VSNL1: variants seen among roughly 807,000 people sequenced by gnomAD.
The protein encoded by VSNL1 is visinin like 1.
VSNL1 carries 6 observed loss-of-function variants against 20.4 expected under a neutral mutation model. The observed-to-expected ratio is 0.29, with a 90% CI of 0.16 to 0.58. VSNL1 has a LOEUF of 0.58. Ranked by LOEUF, VSNL1 falls within the 20% of genes least tolerant of loss-of-function variation. The pLI, the probability that VSNL1 is intolerant of heterozygous loss-of-function variation, is 0.90. For missense variants in VSNL1, 100 were observed against 234.5 expected, an observed-to-expected ratio of 0.43 and a Z score of 3.75; for synonymous variants, 93 against 86.4, an observed-to-expected ratio of 1.08 and a Z score of -0.42.
rs374383244 is a variant in VSNL1, at chr2:17,549,897, G to A, written c.-6+8979G>A. Among the ~76,000 whole-genome samples the A allele has an allele frequency of 2.8e-3, 428 of 152,292 alleles. 5 individuals carry two copies. The South Asian group carries it at 0.039, about 14-fold the overall frequency. Reference sequence around the variant, plus strand: ...GAAAAACTGCTTTAGAAAGACAAAAGCTGAACTATGTAATAGAAAGTACAC... The same window carrying A: ...GAAAAACTGCTTTAGAAAGACAAAAACTGAACTATGTAATAGAAAGTACAC... On this transcript the variant is annotated intron_variant, in intron 1 of 3. Transcript: ENST00000295156.
intron 1 of VSNL1, among the ~76,000 whole-genome samples, chr2:17,579,350 C>G (rs1352096613): frequency 6.6e-6 from 1 of 151,930 alleles, no homozygotes; most frequent in Non-Finnish European, 1.5e-5. Flanking sequence ...CTCCTGACCT[C>G]GTGATCCGCC....
rs773411175 is a variant in VSNL1, at chr2:17,592,209, C to T, written c.135C>T (p.Leu45=). 5.2e-5 allele frequency: 84 copies of T among 1,613,530 alleles called. No individual in the cohort carries two copies. The highest frequency in any genetic ancestry group is 1.6e-4 in the South Asian group (15 of 91,050). The change falls in exon 2 of 4, where the codon CTC becomes CTT. Residue 45 remains leucine (L), a synonymous_variant. Coordinates refer to ENST00000295156, the MANE Select transcript of VSNL1 (RefSeq NM_003385.5). ...ACTGTCCAAGTGGGAGGCTAAATCT[C>T]GAGGAATTTCAGCAGCTCTATGTGA... ...LKDCPSGRLN[L]EEFQQLYVKF... is the part of the protein sequence containing the mutation.
chr2:17,578,683 C>G (rs925251581), intron 1 of VSNL1, among the ~76,000 whole-genome samples: 2 of 152,230 alleles, frequency 1.3e-5, no homozygotes, highest in African/African-American at 4.8e-5. Flanking sequence ...CCAAGTCAAA[C>G]ACACCGGAAG....
At chr2:17,621,752 T>TG (rs1476092277) in intron 2 of VSNL1, among the ~76,000 whole-genome samples, 1 of 152,220 alleles carries the variant, frequency 6.6e-6, no homozygotes, top group Admixed American at 6.5e-5. Context: ...CTCTGCCTTC[T>TG]GGGTAGCTGG....
intron 3 of VSNL1, among the ~76,000 whole-genome samples, chr2:17,652,891 G>T (rs1416867027): frequency 6.6e-6 from 1 of 152,188 alleles, no homozygotes; most frequent in Non-Finnish European, 1.5e-5. Context: ...TCCAGTTGGT[G>T]AGTCAGCCCT....
At chr2:17,556,835 T>C (rs770747556) in intron 1 of VSNL1, among the ~76,000 whole-genome samples, 43 of 152,156 alleles carry the variant, frequency 2.8e-4, no homozygotes, top group Non-Finnish European at 4.6e-4. Context: ...CTCTAAGAGA[T>C]GGAATAGGAA....
intron 2 of VSNL1, among the ~76,000 whole-genome samples, chr2:17,607,265 A>G (rs1664966104): frequency 6.6e-6 from 1 of 152,192 alleles, no homozygotes; most frequent in Non-Finnish European, 1.5e-5. Flanking sequence ...TGGGTTATAG[A>G]GTCTCAATTT....
At chr2:17,573,666 C>T (rs186369739) in intron 1 of VSNL1, among the ~76,000 whole-genome samples, 3 of 152,268 alleles carry the variant, frequency 2.0e-5, no homozygotes, top group African/African-American at 7.2e-5. Context: ...CCATTGTATC[C>T]TCCATTGCCT....
chr2:17,608,942 C>G (rs1665016213), intron 2 of VSNL1, among the ~76,000 whole-genome samples: 1 of 152,198 alleles, frequency 6.6e-6, no homozygotes. Flanking sequence ...ATATAAAGAA[C>G]CTGCTGACTG....
At chr2:17,553,794 C>G (rs1281989046) in intron 1 of VSNL1, among the ~76,000 whole-genome samples, 1 of 152,168 alleles carries the variant, frequency 6.6e-6, no homozygotes, top group Non-Finnish European at 1.5e-5. Flanking sequence ...GTTGTGAGGA[C>G]TAGAAATAAT....
Position 17,621,057 on chromosome 2 carries a change from A to G in VSNL1, c.163-28353A>G, listed in dbSNP as rs1329220883. On this transcript the variant is annotated intron_variant, in intron 2 of 3. Transcript: ENST00000295156. ...TATGGTTACATAATGGTGAGTCATG[A>G]GCAGTATGGTCATTTTTATATACAA... is the stretch of plus-strand genomic sequence containing the variant. 2.0e-5 allele frequency among the ~76,000 whole-genome samples: 3 copies of G among 152,230 alleles called. No individual in the cohort carries two copies. In the East Asian group the frequency reaches 5.8e-4, roughly 29 times the overall value.
intron 2 of VSNL1, among the ~76,000 whole-genome samples, chr2:17,624,839 G>A (rs907352858): frequency 6.6e-6 from 1 of 152,178 alleles, no homozygotes. Flanking sequence ...CAAAATGGTC[G>A]AGGTAATGTG....
chr2:17,620,237 G>A (rs1293985321), intron 2 of VSNL1, among the ~76,000 whole-genome samples: 1 of 152,200 alleles, frequency 6.6e-6, no homozygotes, highest in Non-Finnish European at 1.5e-5. Context: ...CTGGAGACGT[G>A]AGCCAGGCCC....
chr2:17,545,235 TTAAG>T (rs1663379721), intron 1 of VSNL1, among the ~76,000 whole-genome samples: 1 of 152,110 alleles, frequency 6.6e-6, no homozygotes, highest in African/African-American at 2.4e-5. Flanking sequence ...TAACATTTCT[TTAAG>T]TATCTTTGTT....
At chr2:17,566,347 C>T (rs543624122) in intron 1 of VSNL1, among the ~76,000 whole-genome samples, 1 of 152,124 alleles carries the variant, frequency 6.6e-6, no homozygotes, top group Admixed American at 6.5e-5. Context: ...GAAAATATAC[C>T]AATTTATATT....
At chr2:17,620,830 C>A (rs1294064799) in intron 2 of VSNL1, among the ~76,000 whole-genome samples, 1 of 152,066 alleles carries the variant, frequency 6.6e-6, no homozygotes, top group Non-Finnish European at 1.5e-5. Flanking sequence ...ACAGACTAAC[C>A]CCGATAAATT....
In VSNL1 at chr2:17,568,305, T is replaced by A. The variant is rs929388125; in HGVS notation, c.-5-23765T>A. On this transcript the variant is annotated intron_variant, in intron 1 of 3. Coordinates refer to ENST00000295156, the MANE Select transcript of VSNL1 (RefSeq NM_003385.5). Reference sequence around the variant, plus strand: ...TTTGTTTTGACAGGGTCTTACTTTGTTGCCCAGGCTGGAGTGCAGTGGTGC... The same window carrying A: ...TTTGTTTTGACAGGGTCTTACTTTGATGCCCAGGCTGGAGTGCAGTGGTGC... Among the ~76,000 whole-genome samples, 5 of 152,200 alleles carry A rather than the reference T, an allele frequency of 3.3e-5. No homozygotes were observed. In the South Asian group the frequency reaches 8.3e-4, roughly 25 times the overall value.
At position 17,618,170 on chromosome 2, in the gene VSNL1, G is replaced by A. The variant is rs1250621768; in HGVS notation, c.162+25934G>A. 2.0e-5 allele frequency among the ~76,000 whole-genome samples: 3 copies of A among 152,286 alleles called. No individual in the cohort carries two copies. In the East Asian group the frequency reaches 5.8e-4, roughly 29 times the overall value. ...CCTGGTGTATCAGTTTCCTACTGCT[G>A]CTGTAACAAGTTACTACAAACTGAT... On this transcript the variant is annotated intron_variant, in intron 2 of 3. Transcript: ENST00000295156.
chr2:17,563,641 A>G (rs906644637), intron 1 of VSNL1, among the ~76,000 whole-genome samples: 7 of 152,146 alleles, frequency 4.6e-5, no homozygotes, highest in Non-Finnish European at 8.8e-5. Context: ...GAGGCAGGAT[A>G]ATCACTTGAA....
Sources: gnomAD v4.1 joint callset for allele counts (sites outside exome capture counted in the v4.1 genomes callset) on GRCh38, gnomAD v4.1.1 for gene constraint, MANE v1.5 for transcripts, NCBI Gene and HGNC (gene_info 2026-07-23, HGNC 2026-07-21) for gene names.